Variants in ZNF257 observed in about 807,000 individuals in gnomAD.
The protein encoded by ZNF257 is zinc finger protein 257.
A neutral mutation model predicts 11.9 loss-of-function variants in ZNF257; 12 were observed. The observed-to-expected ratio is 1.01, with a 90% CI of 0.65 to 1.63. ZNF257 has a LOEUF of 1.63. ZNF257 is among the 40% of genes most tolerant of loss of function. The pLI is 0.00. For missense variants in ZNF257, 580 were observed against 665.5 expected, an observed-to-expected ratio of 0.87 and a Z score of 1.41; for synonymous variants, 183 against 222.7, an observed-to-expected ratio of 0.82 and a Z score of 1.59.
chr19:22,062,289 A>AT lies in ZNF257; in HGVS notation c.3+9662dup, dbSNP rs145725279. ...TGCCCAGTCTGGAGTGCAGTGGCGA[A>AT]TTTTTTTTGTATTTTTCGTAGAGAC... On this transcript the variant is annotated intron_variant, in intron 1 of 3. Coordinates refer to ENST00000594947, the MANE Select transcript of ZNF257 (RefSeq NM_033468.4). Among the ~76,000 whole-genome samples the AT allele has an allele frequency of 4.3e-3, 626 of 145,322 alleles. 5 individuals carry two copies. Among genetic ancestry groups the AT allele is most frequent in the African/African-American group, 0.016 (605 of 38,582 alleles).
intron 3 of ZNF257, chr19:22,087,439 C>G (rs1010562582): frequency 6.1e-6 from 3 of 491,740 alleles, no homozygotes; most frequent in Non-Finnish European, 9.6e-6. Flanking sequence ...TGTTACCTGT[C>G]TGTGGTACTG....
chr19:22,087,605 A>G, intron 3 of ZNF257: 1 of 1,226,828 alleles, frequency 8.2e-7, no homozygotes, highest in Non-Finnish European at 1.0e-6. Context: ...TGTATGTGCC[A>G]ATATTTTTCT....
Position 22,089,117 on chromosome 19 carries a change from A to G in ZNF257, c.1367A>G (p.Glu456Gly), listed in dbSNP as rs756703967. 18 of 1,613,958 alleles carry G rather than the reference A, an allele frequency of 1.1e-5. No homozygotes were observed. The highest frequency in any genetic ancestry group is 1.5e-5 in the Non-Finnish European group (18 of 1,179,940). ...LIRHKIIHTGEKPYKCEECGK... is the reference protein window; with the variant it reads ...LIRHKIIHTGGKPYKCEECGK... ...CGACATAAGATAATTCATACTGGAG[A>G]GAAACCCTACAAATGTGAAGAGTGT... Residue 456 changes from glutamate (E) to glycine (G), a missense_variant, in exon 4 of 4, where the codon GAG becomes GGG. Physicochemically the swap from Glu to Gly is moderately conservative, Grantham distance 98. Coordinates refer to ENST00000594947, the MANE Select transcript of ZNF257 (RefSeq NM_033468.4).
intron 3 of ZNF257, among the ~76,000 whole-genome samples, chr19:22,078,002 G>A (rs2145709256): frequency 6.6e-6 from 1 of 151,618 alleles, no homozygotes; most frequent in African/African-American, 2.4e-5. Flanking sequence ...CACTTTGGGA[G>A]GCCAAGGTGG....
At chr19:22,078,589 TC>T (rs2022285054) in intron 3 of ZNF257, among the ~76,000 whole-genome samples, 1 of 152,136 alleles carries the variant, frequency 6.6e-6, no homozygotes, top group African/African-American at 2.4e-5. Flanking sequence ...GTTAAATTTT[TC>T]TGTTATTTTC....
At chr19:22,065,809 G>A (rs2021929798) in intron 1 of ZNF257, 1 of 152,076 alleles carries the variant, frequency 6.6e-6, no homozygotes, top group Admixed American at 6.6e-5. Flanking sequence ...GAACAGAGAG[G>A]GATTCCAATT....
intron 3 of ZNF257, among the ~76,000 whole-genome samples, chr19:22,079,971 A>G (rs1173287572): frequency 6.6e-6 from 1 of 152,066 alleles, no homozygotes; most frequent in Non-Finnish European, 1.5e-5. Context: ...TAATTTTGGT[A>G]TACTTAAATG....
intron 1 of ZNF257, among the ~76,000 whole-genome samples, chr19:22,069,937 C>T (rs2022060552): frequency 6.6e-6 from 1 of 152,050 alleles, no homozygotes; most frequent in African/African-American, 2.4e-5. Context: ...TACATAGGCT[C>T]CACTCCCTGC....
At chr19:22,066,897 G>A (rs1045870241) in intron 1 of ZNF257, among the ~76,000 whole-genome samples, 1 of 152,020 alleles carries the variant, frequency 6.6e-6, no homozygotes, top group Non-Finnish European at 1.5e-5. Context: ...TCACATTCTA[G>A]GTTAATTGTG....
At chr19:22,086,134 T>G (rs1232410599) in intron 3 of ZNF257, among the ~76,000 whole-genome samples, 2 of 151,884 alleles carry the variant, frequency 1.3e-5, no homozygotes, top group African/African-American at 4.8e-5. Flanking sequence ...TTTTCTCCCT[T>G]TCTGTCTTCC....
intron 3 of ZNF257, among the ~76,000 whole-genome samples, chr19:22,074,117 C>CA (rs1249355115): frequency 1.3e-5 from 2 of 151,332 alleles, no homozygotes; most frequent in African/African-American, 4.9e-5. Context: ...ATTGTAGTTT[C>CA]ATGTAATCTT....
At chr19:22,071,493 A>G (rs2022101571) in intron 1 of ZNF257, among the ~76,000 whole-genome samples, 2 of 151,540 alleles carry the variant, frequency 1.3e-5, no homozygotes. Flanking sequence ...TTTTTTTTTC[A>G]ACTAAACATG....
At chr19:22,076,341 ATTTC>A (rs1426257219) in intron 3 of ZNF257, among the ~76,000 whole-genome samples, 13 of 151,184 alleles carry the variant, frequency 8.6e-5, no homozygotes, top group Admixed American at 8.6e-4. Flanking sequence ...ATGTAAGGCT[ATTTC>A]TTGCTTCTAA....
At chr19:22,073,616 A>C (rs2022160414) in intron 3 of ZNF257, 52 bp downstream of exon 3, 2 of 1,567,270 alleles carry the variant, frequency 1.3e-6, no homozygotes, top group Admixed American at 3.9e-5. Flanking sequence ...AGAGATCCAC[A>C]GGTCAAGGAG....
intron 1 of ZNF257, among the ~76,000 whole-genome samples, chr19:22,065,621 G>A (rs1368333162): frequency 1.2e-4 from 13 of 107,972 alleles, no homozygotes; most frequent in Non-Finnish European, 3.6e-5. Flanking sequence ...GTAGATATTA[G>A]TCTGAAATGC....
chr19:22,057,102 T>C (rs568144589), intron 1 of ZNF257, among the ~76,000 whole-genome samples: 1 of 152,306 alleles, frequency 6.6e-6, no homozygotes, highest in South Asian at 2.1e-4. Flanking sequence ...TGTTCACATA[T>C]TACTAATTAT....
intron 1 of ZNF257, among the ~76,000 whole-genome samples, chr19:22,057,251 G>T (rs924556950): frequency 1.3e-5 from 2 of 151,872 alleles, no homozygotes; most frequent in Non-Finnish European, 2.9e-5. Flanking sequence ...TGATAATTTT[G>T]CTAGATTTTT....
At chr19:22,064,986 A>C (rs1271495137) in intron 1 of ZNF257, among the ~76,000 whole-genome samples, 1 of 151,250 alleles carries the variant, frequency 6.6e-6, no homozygotes, top group Non-Finnish European at 1.5e-5. Flanking sequence ...CCCAGGAAGC[A>C]GAGGTTGCGG....
Position 22,053,366 on chromosome 19 carries a change from C to CAAAAAAAAAA in ZNF257, c.3+750_3+759dup, listed in dbSNP as rs61426953. The stretch of plus-strand genomic sequence containing the variant: ...CTGAAGACAGAGCGAGACTCCGTCT[C>CAAAAAAAAAA]AAAAAAAAAAAAAAAAAAAAAAAAA... On this transcript the variant is annotated intron_variant, in intron 1 of 3. Coordinates refer to ENST00000594947, the MANE Select transcript of ZNF257 (RefSeq NM_033468.4). Among the ~76,000 whole-genome samples, 16 of 76,498 alleles carry CAAAAAAAAAA rather than the reference C, an allele frequency of 2.1e-4. 1 individual carries two copies. The highest frequency in any genetic ancestry group is 6.6e-4 in the African/African-American group (16 of 24,344). The allele number at this position is 76,498 out of a possible 152,430, so 50.2% of individuals were successfully genotyped here.
Sources: allele counts gnomAD v4.1 joint callset (sites outside exome capture counted in the v4.1 genomes callset), GRCh38; gene constraint gnomAD v4.1.1; transcripts MANE v1.5; gene names NCBI Gene and HGNC (gene_info 2026-07-23, HGNC 2026-07-21).